Variants in CLDN16 observed in about 807,000 individuals in gnomAD.
CLDN16 encodes the protein claudin-16.
Under a neutral mutation model 24.6 loss-of-function variants are expected in CLDN16, and 13 were observed. That is an observed-to-expected ratio of 0.53 (90% CI 0.34 to 0.84). The LOEUF is 0.84. Among genes scored for constraint, CLDN16 ranks in the 40% least tolerant of loss-of-function variants. The pLI, the probability that CLDN16 is intolerant of heterozygous loss-of-function variation, is 0.01. For missense variants in CLDN16, 298 were observed against 292.7 expected, an observed-to-expected ratio of 1.02 and a Z score of -0.13; for synonymous variants, 116 against 106.7, an observed-to-expected ratio of 1.09 and a Z score of -0.54.
At chr3:190,299,807 A>T in the CLDN16 span, among the ~76,000 whole-genome samples, 2 of 152,230 alleles carry the variant, frequency 1.3e-5, no homozygotes, top group East Asian at 3.9e-4. Flanking sequence ...TTTATGAAAA[A>T]GTTTTGATTT....
At chr3:190,334,629 T>C (rs1323491777) in intron 1 of CLDN16, among the ~76,000 whole-genome samples, 5 of 152,242 alleles carry the variant, frequency 3.3e-5, no homozygotes, top group Non-Finnish European at 7.3e-5. Flanking sequence ...CTTTAGAAAG[T>C]CAGAGCACAG....
chr3:190,364,362 T>A (rs567151829), intron 1 of CLDN16, among the ~76,000 whole-genome samples: 1 of 152,054 alleles, frequency 6.6e-6, no homozygotes, highest in Admixed American at 6.6e-5. Context: ...CCATCCTGGA[T>A]GTACCTCTTC....
intron 1 of CLDN16, among the ~76,000 whole-genome samples, chr3:190,365,948 C>T (rs1328727599): frequency 6.6e-6 from 1 of 151,954 alleles, no homozygotes; most frequent in African/African-American, 2.4e-5. Context: ...AATTCTTAAG[C>T]AAGGGGGAGC....
intron 3 of CLDN16, among the ~76,000 whole-genome samples, chr3:190,376,476 T>C (rs1718251093): frequency 6.6e-6 from 1 of 151,740 alleles, no homozygotes; most frequent in Non-Finnish European, 1.5e-5. Flanking sequence ...AACTATAAAG[T>C]GTTATGAGAG....
chr3:190,374,783 G>T lies in CLDN16; in HGVS notation n.306+180G>T, dbSNP rs1453968105. Among the ~76,000 whole-genome samples, 4 of 152,008 alleles carry T rather than the reference G, an allele frequency of 2.6e-5. No individual in the cohort carries two copies. In the East Asian group the frequency reaches 7.8e-4, roughly 30 times the overall value. On this transcript the variant is annotated intron_variant and non_coding_transcript_variant, in intron 3 of 4. Transcript: ENST00000468220. The stretch of plus-strand genomic sequence containing the variant: ...AAAGTTTGTTTTTAAAAAGACCAAG[G>T]CTACTAAACCTAAAACAATATTTCA...
chr3:190,379,018 T>G (rs1197733043), intron 3 of CLDN16, among the ~76,000 whole-genome samples: 1 of 152,106 alleles, frequency 6.6e-6, no homozygotes, highest in Non-Finnish European at 1.5e-5. Flanking sequence ...TTTCCATTAA[T>G]TCTTCAAAAA....
chr3:190,402,015 A>G (rs940953793), intron 1 of CLDN16, among the ~76,000 whole-genome samples: 1 of 152,088 alleles, frequency 6.6e-6, no homozygotes, highest in African/African-American at 2.4e-5. Context: ...ATGTTTTTCC[A>G]TAACCATAAC....
intron 1 of CLDN16, among the ~76,000 whole-genome samples, chr3:190,336,071 T>A (rs934767220): frequency 1.3e-5 from 2 of 152,066 alleles, no homozygotes; most frequent in Non-Finnish European, 2.9e-5. Context: ...GAACGTGGAA[T>A]TTGGTGTTAG....
chr3:190,309,175 C>T, the CLDN16 span, among the ~76,000 whole-genome samples: 3 of 152,166 alleles, frequency 2.0e-5, no homozygotes, highest in African/African-American at 7.2e-5. Flanking sequence ...ATAATCCCAC[C>T]TGCCTCAATA....
At position 190,338,959 on chromosome 3, in the gene CLDN16, C is replaced by G. The variant is rs138809227; in HGVS notation, n.121+16298C>G. Among the ~76,000 whole-genome samples the G allele has an allele frequency of 2.0e-5, 3 of 152,272 alleles. No individual in the cohort carries two copies. The East Asian group carries it at 5.8e-4, about 29-fold the overall frequency. On this transcript the variant is annotated intron_variant and non_coding_transcript_variant, in intron 1 of 4. Coordinates refer to the CLDN16 transcript ENST00000468220. Reference sequence around the variant, plus strand: ...GCACATTTCACTGTAGGGTTGTCCTCAGCTGATTGAAGCTACCTCACCCAG... The same window carrying G: ...GCACATTTCACTGTAGGGTTGTCCTGAGCTGATTGAAGCTACCTCACCCAG...
intron 1 of CLDN16, among the ~76,000 whole-genome samples, chr3:190,363,592 A>ATATATATATG (rs1717953770): frequency 7.7e-6 from 1 of 130,352 alleles, no homozygotes; most frequent in Non-Finnish European, 1.6e-5. Flanking sequence ...ATATATATAT[A>ATATATATATG]TATATTTTCT....
intron 3 of CLDN16, among the ~76,000 whole-genome samples, chr3:190,380,272 T>TCCTTCCTTCCTTCCTTCCTTTCTTCCTTC (rs1282830158): frequency 1.3e-5 from 2 of 150,376 alleles, no homozygotes; most frequent in Non-Finnish European, 3.0e-5. Flanking sequence ...CTTCCTTCCT[T>TCCTTCCTTCCTTCCTTCCTTTCTTCCTTC]CTGTTTTTTG....
chr3:190,353,253 T>A (rs1222185100), intron 1 of CLDN16, among the ~76,000 whole-genome samples: 1 of 152,080 alleles, frequency 6.6e-6, no homozygotes, highest in African/African-American at 2.4e-5. Context: ...AGCAATTTAC[T>A]TTCACAACCC....
At chr3:190,311,849 T>C in the CLDN16 span, among the ~76,000 whole-genome samples, 1 of 152,026 alleles carries the variant, frequency 6.6e-6, no homozygotes, top group African/African-American at 2.4e-5. Flanking sequence ...TATAAAGCTT[T>C]GAAATAATGC....
intron 1 of CLDN16, among the ~76,000 whole-genome samples, chr3:190,401,362 G>A (rs971263007): frequency 6.6e-6 from 1 of 151,970 alleles, no homozygotes; most frequent in African/African-American, 2.4e-5. Context: ...CTTTCTTGGG[G>A]AAAAAATTAA....
intron 3 of CLDN16, among the ~76,000 whole-genome samples, chr3:190,380,315 C>T (rs1319870640): frequency 1.3e-5 from 2 of 150,908 alleles, no homozygotes; most frequent in Non-Finnish European, 2.9e-5. Context: ...CTAGAGGTAT[C>T]AAATATATAG....
intron 1 of CLDN16, among the ~76,000 whole-genome samples, chr3:190,325,093 G>A (rs1395233886): frequency 6.6e-6 from 1 of 152,176 alleles, no homozygotes. Context: ...ATGACTCTAA[G>A]TAATGACAGC....
chr3:190,298,376 C>CACACACACACACACACA, the CLDN16 span, among the ~76,000 whole-genome samples: 4 of 150,124 alleles, frequency 2.7e-5, no homozygotes, highest in East Asian at 2.0e-4. Context: ...CACACACACA[C>CACACACACACACACACA]CTTAACAATG....
chr3:190,384,979 G>A (rs1718460569), upstream of CLDN16, among the ~76,000 whole-genome samples: 1 of 152,138 alleles, frequency 6.6e-6, no homozygotes, highest in Non-Finnish European at 1.5e-5. Context: ...CTTATTGGGA[G>A]TGGTATTATA....
Sources: gnomAD v4.1 joint callset for allele counts (sites outside exome capture counted in the v4.1 genomes callset) on GRCh38, gnomAD v4.1.1 for gene constraint, MANE v1.5 for transcripts, NCBI Gene and HGNC (gene_info 2026-07-23, HGNC 2026-07-21) for gene names.